Variants in FCHO2 observed in about 807,000 individuals in gnomAD.
The protein encoded by FCHO2 is FCH and mu domain containing endocytic adaptor 2, also known as F-BAR domain only protein 2.
FCHO2 carries 43 observed loss-of-function variants against 114.1 expected under a neutral mutation model. That is an observed-to-expected ratio of 0.38 (90% confidence interval 0.30 to 0.49). The LOEUF (loss-of-function observed/expected upper bound fraction) is 0.49. Among genes scored for constraint, FCHO2 ranks in the 20% least tolerant of loss-of-function variants. The pLI, the probability that FCHO2 is intolerant of heterozygous loss-of-function variation, is 0.97. For missense variants in FCHO2, 807 were observed against 950.4 expected (o/e 0.85, Z 1.98); for synonymous variants, 293 against 315.2 (o/e 0.93, Z 0.75).
intron 8 of FCHO2, among the ~76,000 whole-genome samples, chr5:73,026,786 G>A (rs1204852347): frequency 2.6e-5 from 4 of 151,962 alleles, no homozygotes; most frequent in Non-Finnish European, 5.9e-5. Context: ...CCACCTCCCG[G>A]GTTCAAGCAA....
At chr5:73,008,457 T>C (rs918870121) in intron 6 of FCHO2, among the ~76,000 whole-genome samples, 1 of 152,164 alleles carries the variant, frequency 6.6e-6, no homozygotes, top group Non-Finnish European at 1.5e-5. Context: ...TTTAGCTTGT[T>C]AAATCTATGT....
intron 19 of FCHO2, among the ~76,000 whole-genome samples, chr5:73,070,813 T>C (rs1179754157): frequency 6.6e-6 from 1 of 152,050 alleles, no homozygotes; most frequent in Non-Finnish European, 1.5e-5. Flanking sequence ...TTCAACGCTG[T>C]GTGGATTTAA....
chr5:73,057,242 A>G (rs1206408696), intron 16 of FCHO2, among the ~76,000 whole-genome samples: 1 of 152,170 alleles, frequency 6.6e-6, no homozygotes, highest in Non-Finnish European at 1.5e-5. Context: ...AATGTAAAAT[A>G]CAAGTAAAAG....
rs562082516 is a variant in FCHO2 at position 73,034,158 on chromosome 5, C to T, written c.797-499C>T. Among the ~76,000 whole-genome samples, 11 of 152,174 alleles carry T rather than the reference C, an allele frequency of 7.2e-5. No individual in the cohort carries two copies. In the South Asian group the frequency reaches 2.1e-3, roughly 29 times the overall value. On this transcript the variant is annotated intron_variant, in intron 8 of 25. Transcript: ENST00000430046. ...CATTCAATAAATATTTACTTATTTA[C>T]CCAACTTATTATTTACCTGGCATTT... is the stretch of plus-strand genomic sequence containing the variant.
intron 5 of FCHO2, among the ~76,000 whole-genome samples, chr5:72,991,831 G>A (rs964723985): frequency 5.3e-5 from 8 of 152,118 alleles, no homozygotes; most frequent in African/African-American, 1.7e-4. Flanking sequence ...ACTTTTACAT[G>A]TTTAAATGCA....
intron 1 of FCHO2, among the ~76,000 whole-genome samples, chr5:72,965,996 C>G (rs1292834113): frequency 6.6e-6 from 1 of 152,158 alleles, no homozygotes; most frequent in African/African-American, 2.4e-5. Flanking sequence ...AAAAAGGAAA[C>G]TTGGTAAAAC....
At chr5:72,998,822 GA>G (rs1423401585) in intron 5 of FCHO2, among the ~76,000 whole-genome samples, 11 of 150,680 alleles carry the variant, frequency 7.3e-5, no homozygotes, top group Non-Finnish European at 1.2e-4. Context: ...GCAATTAAAG[GA>G]TTTTTTTTTT....
intron 25 of FCHO2, 122 bp from the exon 26 acceptor site, chr5:73,087,946 T>C: frequency 7.0e-7 from 1 of 1,434,012 alleles, no homozygotes; most frequent in Non-Finnish European, 9.7e-7. Context: ...ACCTGTTATC[T>C]GATTCTAATG....
chr5:72,991,967 A>G (rs1753836864), intron 5 of FCHO2, among the ~76,000 whole-genome samples: 1 of 152,210 alleles, frequency 6.6e-6, no homozygotes, highest in African/African-American at 2.4e-5. Flanking sequence ...GAATAACCAA[A>G]TCAACTCAGA....
At chr5:73,026,742 G>C (rs1400472807) in intron 8 of FCHO2, among the ~76,000 whole-genome samples, 1 of 152,038 alleles carries the variant, frequency 6.6e-6, no homozygotes, top group Non-Finnish European at 1.5e-5. Context: ...CCAGTCTGGA[G>C]TGCAGTGGCA....
At chr5:73,080,438 T>C (rs1743056681) in intron 22 of FCHO2, among the ~76,000 whole-genome samples, 2 of 152,174 alleles carry the variant, frequency 1.3e-5, no homozygotes, top group Non-Finnish European at 1.5e-5. Context: ...TGGATGAAGA[T>C]AAGGCATAAA....
chr5:73,064,019 T>A, intron 18 of FCHO2, 75 bp downstream of exon 18: 1 of 1,343,548 alleles, frequency 7.4e-7, no homozygotes, highest in Non-Finnish European at 1.0e-6. Flanking sequence ...CTATATGCCC[T>A]TTTACAGTTA....
intron 24 of FCHO2, among the ~76,000 whole-genome samples, chr5:73,086,726 A>C (rs904503564): frequency 7.2e-5 from 11 of 151,922 alleles, no homozygotes; most frequent in Admixed American, 6.6e-4. Context: ...TGTCTTCCTT[A>C]TCTTTGGTGA....
chr5:73,035,833 T>G lies in FCHO2; in HGVS notation c.841+1132T>G, dbSNP rs552914692. 4.6e-4 allele frequency among the ~76,000 whole-genome samples: 70 copies of G among 152,030 alleles called. 2 individuals are homozygous for G. The highest frequency in any genetic ancestry group is 4.3e-3 in the Admixed American group (66 of 15,276). On this transcript the variant is annotated intron_variant, in intron 9 of 25. Coordinates refer to ENST00000430046, the MANE Select transcript of FCHO2 (RefSeq NM_138782.3). ...GCTCAATTCTCAAAGAGTAAACACC[T>G]AAGTTTTAAGTGCTGAATTCTTTTT...
At chr5:72,985,166 A>C (rs1252819496) in intron 2 of FCHO2, among the ~76,000 whole-genome samples, 7 of 151,316 alleles carry the variant, frequency 4.6e-5, no homozygotes, top group Admixed American at 2.0e-4. Context: ...TCTATTCAGT[A>C]CTTTTTTTTT....
At chr5:73,021,210 G>A (rs1755608008) in intron 8 of FCHO2, 1 of 744,764 alleles carries the variant, frequency 1.3e-6, no homozygotes, top group African/African-American at 1.7e-5. Context: ...ATTTGACTGT[G>A]GGAAAAACTG....
At chr5:72,977,310 T>C (rs1752944207) in intron 2 of FCHO2, among the ~76,000 whole-genome samples, 1 of 152,234 alleles carries the variant, frequency 6.6e-6, no homozygotes, top group African/African-American at 2.4e-5. Flanking sequence ...TTTTTAATGA[T>C]GGGCATTCTG....
intron 2 of FCHO2, among the ~76,000 whole-genome samples, chr5:72,979,453 G>A (rs1424464892): frequency 9.1e-5 from 12 of 131,476 alleles, no homozygotes; most frequent in Non-Finnish European, 1.6e-4. Flanking sequence ...GTGCAGTGGC[G>A]CGATCTCGGC....
intron 20 of FCHO2, among the ~76,000 whole-genome samples, chr5:73,075,615 C>T (rs988126057): frequency 5.9e-5 from 9 of 151,976 alleles, no homozygotes; most frequent in Non-Finnish European, 8.8e-5. Flanking sequence ...TTCAGAGGAG[C>T]GCTGGTTGCT....
Sources: allele counts gnomAD v4.1 joint callset (sites outside exome capture counted in the v4.1 genomes callset), GRCh38; gene constraint gnomAD v4.1.1; transcripts MANE v1.5; gene names NCBI Gene and HGNC (gene_info 2026-07-23, HGNC 2026-07-21).